C3: variants seen among roughly 807,000 people sequenced by gnomAD.
C3 encodes the protein C3 and PZP-like alpha-2-macroglobulin domain-containing protein 1.
In C3, 97 loss-of-function variants were observed where a neutral mutation model predicts 207.9. That is an observed-to-expected ratio of 0.47 (90% CI 0.40 to 0.55). The LOEUF is 0.55. C3 is among the 20% of genes least tolerant of loss of function. The probability of loss-of-function intolerance (pLI) is 0.00; values close to 1 mark genes in which losing one functional copy is unlikely to be tolerated. For synonymous variants in C3, 848 were observed against 857.6 expected, an observed-to-expected ratio of 0.99 and a Z score of 0.20; for missense variants, 1,684 against 2,171.7, an observed-to-expected ratio of 0.78 and a Z score of 4.46.
Position 6,690,614 on chromosome 19 carries a change from A to C in C3, c.3489+15T>G, listed in dbSNP as rs1365392585. 1.1e-5 allele frequency: 17 copies of C among 1,606,248 alleles called. No individual in the cohort carries two copies. The highest frequency in any genetic ancestry group is 1.4e-5 in the Non-Finnish European group (17 of 1,172,786). ...GGGTAAGGTAGGGTAGGGTGGGAAG[A>C]TGGAGGGCACTTACGTTGACCTGCT... On this transcript the variant is annotated intron_variant, in intron 27 of 40. Transcript: ENST00000245907.
rs1171588355 is a variant in C3 at position 6,694,646 on chromosome 19, G to A, written c.2951-12C>T. The stretch of plus-strand genomic sequence containing the variant: ...GGCCACTGGGGTCCCTGCAGCAGGT[G>A]GGAAGAGGACGTTGCTCAAGCCAGG... On this transcript the variant is annotated splice_polypyrimidine_tract_variant and intron_variant, in intron 23 of 40. Coordinates refer to ENST00000245907, the MANE Select transcript of C3 (RefSeq NM_000064.4). 1.2e-6 allele frequency: 2 copies of A among 1,609,364 alleles called. No individual in the cohort carries two copies. The highest frequency in any genetic ancestry group is 1.7e-6 in the Non-Finnish European group (2 of 1,179,160).
In C3 at chr19:6,685,154, C is replaced by T. The variant is rs1037345663; in HGVS notation, c.3811-8G>A. 3 of 1,613,132 alleles carry T rather than the reference C, an allele frequency of 1.9e-6. No individual in the cohort carries two copies. The highest frequency in any genetic ancestry group is 1.7e-6 in the Non-Finnish European group (2 of 1,179,470). On this transcript the variant is annotated splice_polypyrimidine_tract_variant and splice_region_variant and intron_variant, in intron 29 of 40. Coordinates refer to ENST00000245907, the MANE Select transcript of C3 (RefSeq NM_000064.4). ...GAACACCATGAAGGTGGCCTAGAAC[C>T]CACAAGAGAGAAAGATGGTGATCTG...
chr19:6,701,691 T>G (rs997641577), intron 19 of C3, among the ~76,000 whole-genome samples: 5 of 152,090 alleles, frequency 3.3e-5, no homozygotes, highest in African/African-American at 1.2e-4. Context: ...CCTGGCTAAT[T>G]GTTTTGTACT....
chr19:6,684,874 A>T (rs182650473), intron 30 of C3, 40 bp from the exon 31 acceptor site: 2 of 1,611,736 alleles, frequency 1.2e-6, no homozygotes, highest in Middle Eastern at 3.3e-4. Context: ...GTTGGGAATT[A>T]AGCCTTCTGC....
At chr19:6,689,297 T>TA (rs1918091404) in intron 27 of C3, among the ~76,000 whole-genome samples, 3 of 92,508 alleles carry the variant, frequency 3.2e-5, no homozygotes, top group African/African-American at 1.2e-4. Flanking sequence ...ACCCCACCTC[T>TA]CCTCTCTCTC....
chr19:6,708,068 T>C, intron 14 of C3, 139 bp from the exon 15 acceptor site: 1 of 912,216 alleles, frequency 1.1e-6, no homozygotes, highest in Non-Finnish European at 1.7e-6. Context: ...CTTCTGCCCT[T>C]CCTTTCTCTT....
chr19:6,684,987 C>T lies in C3; in HGVS notation c.3969+1G>A. 1 of 1,613,350 alleles carries T rather than the reference C, an allele frequency of 6.2e-7. No individual in the cohort carries two copies. The highest frequency in any genetic ancestry group is 8.5e-7 in the Non-Finnish European group (1 of 1,179,910). On this transcript the variant is annotated splice_donor_variant, in intron 30 of 40. Coordinates refer to ENST00000245907, the MANE Select transcript of C3 (RefSeq NM_000064.4). LOFTEE classifies it high-confidence loss of function. ...AGGAGGGCTTGGCTGGGTGACTGTA[C>T]CTCTTCTGATCGCAGGAGGCTGGCA... is the stretch of plus-strand genomic sequence containing the variant.
chr19:6,682,316 A>C, intron 33 of C3, 87 bp from the exon 34 acceptor site: 1 of 955,034 alleles, frequency 1.0e-6, no homozygotes, highest in Non-Finnish European at 1.7e-6. Flanking sequence ...CTGATCAGGC[A>C]CTGAGACTTC....
At chr19:6,686,641 G>C (rs2145398581) in intron 28 of C3, 105 bp downstream of exon 28, 1 of 1,227,184 alleles carries the variant, frequency 8.1e-7, no homozygotes. Flanking sequence ...CTTGGCTTAG[G>C]GTCATCTGTC....
chr19:6,696,663 C>T lies in C3; in HGVS notation c.2797-4G>A, dbSNP rs569288387. On this transcript the variant is annotated splice_polypyrimidine_tract_variant and splice_region_variant and intron_variant, in intron 21 of 40. Transcript: ENST00000245907. ...TGTTCATTCTGATTCCTTCCGGCTA[C>T]GCAGTGTTAGAGGTGGGGGGAGTCG... 33 of 1,613,748 alleles carry T rather than the reference C, an allele frequency of 2.0e-5. No individual in the cohort carries two copies. The South Asian group carries it at 2.6e-4, about 13-fold the overall frequency.
chr19:6,702,889 C>T, intron 17 of C3: 1 of 354,474 alleles, frequency 2.8e-6, no homozygotes, highest in South Asian at 2.2e-5. Flanking sequence ...CAAAAATTAG[C>T]TGGGTGTGGT....
At position 6,707,887 on chromosome 19, in the gene C3, C is replaced by T; in HGVS notation, c.1888G>A (p.Gly630Ser). The stretch of plus-strand genomic sequence containing the variant: ...ACACCGGCGTAATCCTTCCCACTGC[C>T]CGGGGTGCAGCCGATGTCTGCCTTC... ...VEKADIGCTPGSGKDYAGVFS... is the reference protein window; with the variant it reads ...VEKADIGCTPSSGKDYAGVFS... Residue 630 changes from glycine to serine, a missense_variant, in exon 15 of 41, where the codon GGC (glycine) becomes AGC (serine). Gly to Ser is a moderately conservative substitution (Grantham distance 56). This residue lies in a region of C3 where 1,280 missense variants were observed against 1,739.1 expected (regional missense o/e 0.74). Transcript: ENST00000245907. 1 of 1,614,008 alleles carries T rather than the reference C, an allele frequency of 6.2e-7. No individual in the cohort carries two copies. Among genetic ancestry groups the T allele is most frequent in the Non-Finnish European group, 8.5e-7 (1 of 1,180,008 alleles).
intron 27 of C3, among the ~76,000 whole-genome samples, 157 bp from the exon 28 acceptor site, chr19:6,687,059 G>A (rs1275039163): frequency 6.6e-6 from 1 of 152,192 alleles, no homozygotes; most frequent in South Asian, 2.1e-4. Flanking sequence ...AGATATTTTA[G>A]CCACCATGAG....
chr19:6,679,007 A>G, intron 38 of C3, 118 bp downstream of exon 38: 1 of 787,228 alleles, frequency 1.3e-6, no homozygotes, highest in Non-Finnish European at 2.3e-6. Context: ...TCTCACACAC[A>G]CCACAGTCAC....
chr19:6,694,755 T>A (rs1648960838), intron 23 of C3, 121 bp from the exon 24 acceptor site: 1 of 839,680 alleles, frequency 1.2e-6, no homozygotes, highest in African/African-American at 1.7e-5. Flanking sequence ...AGGCGAGGAC[T>A]GGGGAGGATG....
chr19:6,690,963 T>C (rs11569506), intron 26 of C3, among the ~76,000 whole-genome samples: 141 of 152,224 alleles, frequency 9.3e-4, no homozygotes, highest in African/African-American at 3.3e-3. Context: ...GTCTGATCCA[T>C]TGTAAAACCA....
intron 37 of C3, 96 bp from the exon 38 acceptor site, chr19:6,679,304 G>A (rs1424815243): frequency 2.8e-6 from 4 of 1,443,290 alleles, no homozygotes; most frequent in Admixed American, 3.3e-5. Context: ...ACCCCCCTTG[G>A]TATCCCCTGG....
At chr19:6,706,275 CAGA>C (rs1259745890) in intron 17 of C3, among the ~76,000 whole-genome samples, 5 of 152,206 alleles carry the variant, frequency 3.3e-5, no homozygotes. Context: ...ATGTCCAATT[CAGA>C]CTGATGGGTG....
In C3 at chr19:6,702,544, T is replaced by C; in HGVS notation, c.2281A>G (p.Ile761Val). ...LDEDIIAEEN[I>V]VSRSEFPESW... The stretch of plus-strand genomic sequence containing the variant: ...TCTGGGAACTCACTTCGGGAAACGA[T>C]GTTCTCTTCTGCAATGATGTCCTCA... Residue 761 changes from isoleucine to valine, a missense_variant, in exon 18 of 41, where the codon ATC becomes GTC. Transcript: ENST00000245907. 1 of 1,614,118 alleles carries C rather than the reference T, an allele frequency of 6.2e-7. No homozygotes were observed. The highest frequency in any genetic ancestry group is 2.2e-5 in the East Asian group (1 of 44,886).
Sources: allele counts gnomAD v4.1 joint callset (sites outside exome capture counted in the v4.1 genomes callset), GRCh38; gene constraint gnomAD v4.1.1; regional missense constraint gnomAD v4.1.1; transcripts MANE v1.5; gene names NCBI Gene and HGNC (gene_info 2026-07-23, HGNC 2026-07-21).